UGT1A10: variants seen among roughly 807,000 people sequenced by gnomAD.
UGT1A10 encodes UDP-glucuronosyltransferase 1A10.
In UGT1A10, 49 loss-of-function variants were observed where a neutral mutation model predicts 45.8. The ratio of observed to expected loss-of-function variants is 1.07; its 90% CI spans 0.85 to 1.36. The LOEUF (loss-of-function observed/expected upper bound fraction) is 1.36, where lower values mean the gene tolerates loss of function less well. UGT1A10 is among the 40% of genes most tolerant of loss of function. The pLI is 0.00. For synonymous variants in UGT1A10, 284 were observed against 249.7 expected (o/e 1.14, Z -1.29); for missense variants, 745 against 668.6 (o/e 1.11, Z -1.26).
chr2:233,716,057 A>G (rs1298941606), intron 1 of UGT1A10, among the ~76,000 whole-genome samples: 1 of 152,210 alleles, frequency 6.6e-6, no homozygotes, highest in Admixed American at 6.5e-5. Flanking sequence ...GTCCATTCTT[A>G]GTTGTATTCT....
intron 1 of UGT1A10, among the ~76,000 whole-genome samples, chr2:233,686,243 T>C (rs921662746): frequency 6.6e-6 from 1 of 150,822 alleles, no homozygotes; most frequent in African/African-American, 2.4e-5. Flanking sequence ...GGAAATGGTT[T>C]CTGAGATTTT....
intron 1 of UGT1A10, among the ~76,000 whole-genome samples, chr2:233,737,027 C>T (rs2078835915): frequency 6.6e-6 from 1 of 152,230 alleles, no homozygotes; most frequent in South Asian, 2.1e-4. Flanking sequence ...TCTGTCCATT[C>T]TCAGAGCTCA....
In UGT1A10 at chr2:233,763,074, C is replaced by T. The variant is rs112277298; in HGVS notation, c.856-3960C>T. On this transcript the variant is annotated intron_variant, in intron 1 of 4. Coordinates refer to ENST00000344644, the MANE Select transcript of UGT1A10 (RefSeq NM_019075.4). ...TTGATTTAGATAATTTCCTTCTTTGCGTGAGGATGTTTGTAGGAGAGGCAC... is the reference window on the plus strand; with the variant it reads ...TTGATTTAGATAATTTCCTTCTTTGTGTGAGGATGTTTGTAGGAGAGGCAC... Among the ~76,000 whole-genome samples, 590 of 152,258 alleles carry T rather than the reference C, an allele frequency of 3.9e-3. 2 individuals are homozygous for T. Among genetic ancestry groups the T allele is most frequent in the Admixed American group, 5.9e-3 (90 of 15,292 alleles).
intron 1 of UGT1A10, among the ~76,000 whole-genome samples, chr2:233,650,881 T>C (rs1027503228): frequency 2.0e-5 from 3 of 152,226 alleles, no homozygotes; most frequent in African/African-American, 7.2e-5. Context: ...AATTGTTTGA[T>C]GATCCCTCAT....
In UGT1A10 at chr2:233,681,186, C is replaced by T. The variant is rs45574033; in HGVS notation, c.855+43809C>T. The stretch of plus-strand genomic sequence containing the variant: ...CAACGCTAAGACCCTTGCTCTCTTT[C>T]CGTCGAACATGAGATGCCAATTTCT... On this transcript the variant is annotated intron_variant, in intron 1 of 4. Transcript: ENST00000344644. 1.6e-3 allele frequency among the ~76,000 whole-genome samples: 241 copies of T among 151,954 alleles called. 1 individual carries two copies. Among genetic ancestry groups the T allele is most frequent in the Middle Eastern group, 3.4e-3 (1 of 294 alleles).
At chr2:233,639,258 A>T (rs2073384657) in intron 1 of UGT1A10, among the ~76,000 whole-genome samples, 1 of 152,218 alleles carries the variant, frequency 6.6e-6, no homozygotes, top group Non-Finnish European at 1.5e-5. Flanking sequence ...ATACACATGT[A>T]TGAAAGTTTT....
chr2:233,693,046 G>C lies in UGT1A10; in HGVS notation c.855+55669G>C, dbSNP rs1259258611. 1.9e-6 allele frequency: 3 copies of C among 1,614,028 alleles called. No individual in the cohort carries two copies. In the African/African-American group the frequency reaches 4.0e-5, roughly 22 times the overall value. ...GCTCATTTCAGAGAATTTCTGCAGG[G>C]GTTTTCTTCTTAGCACTTTGGGGCA... On this transcript the variant is annotated intron_variant, in intron 1 of 4. Coordinates refer to ENST00000344644, the MANE Select transcript of UGT1A10 (RefSeq NM_019075.4).
chr2:233,762,168 C>A (rs986737504), intron 1 of UGT1A10, among the ~76,000 whole-genome samples: 2 of 152,090 alleles, frequency 1.3e-5, no homozygotes, highest in African/African-American at 2.4e-5. Flanking sequence ...CCACTGTATG[C>A]GGCGTCCTCA....
intron 1 of UGT1A10, among the ~76,000 whole-genome samples, chr2:233,638,583 G>C (rs1032108161): frequency 2.3e-4 from 35 of 152,104 alleles, no homozygotes; most frequent in Middle Eastern, 3.2e-3. Context: ...AAAAATCCTT[G>C]AAAAATACCA....
At chr2:233,660,646 A>G (rs996370002) in intron 1 of UGT1A10, among the ~76,000 whole-genome samples, 2 of 152,082 alleles carry the variant, frequency 1.3e-5, no homozygotes, top group Admixed American at 1.3e-4. Context: ...CATAAATTGG[A>G]CTGTATTTGC....
At chr2:233,669,726 C>T (rs28970006) in intron 1 of UGT1A10, among the ~76,000 whole-genome samples, 3,021 of 152,188 alleles carry the variant, frequency 0.02, 101 homozygotes, top group African/African-American at 0.069. Context: ...CTGTTTTGCC[C>T]GGGCTGGAGT....
intron 1 of UGT1A10, among the ~76,000 whole-genome samples, chr2:233,646,156 C>T (rs2073596034): frequency 1.3e-5 from 2 of 152,172 alleles, no homozygotes; most frequent in African/African-American, 4.8e-5. Context: ...TACTTTGGCT[C>T]CTTTTGGACA....
chr2:233,655,113 A>G (rs2073828724), intron 1 of UGT1A10, among the ~76,000 whole-genome samples: 1 of 151,946 alleles, frequency 6.6e-6, no homozygotes, highest in Non-Finnish European at 1.5e-5. Flanking sequence ...AAGAAAGAAA[A>G]AGTAAACAGA....
At chr2:233,719,633 C>G in intron 1 of UGT1A10, 1 of 1,614,046 alleles carries the variant, frequency 6.2e-7, no homozygotes, top group Non-Finnish European at 8.5e-7. Flanking sequence ...CGATCATGCC[C>G]AACATGGTCT....
At chr2:233,679,128 T>G (rs1018713761) in intron 1 of UGT1A10, among the ~76,000 whole-genome samples, 1 of 152,218 alleles carries the variant, frequency 6.6e-6, no homozygotes, top group Non-Finnish European at 1.5e-5. Flanking sequence ...TTAAGACACC[T>G]GATTGAGAGA....
intron 1 of UGT1A10, among the ~76,000 whole-genome samples, chr2:233,675,865 T>G (rs2074337846): frequency 1.3e-5 from 2 of 152,166 alleles, no homozygotes; most frequent in South Asian, 4.1e-4. Context: ...TAAGAAAAAT[T>G]TGTTACATAG....
At chr2:233,733,174 G>T (rs2078363189) in intron 1 of UGT1A10, among the ~76,000 whole-genome samples, 1 of 152,204 alleles carries the variant, frequency 6.6e-6, no homozygotes, top group African/African-American at 2.4e-5. Context: ...CTGGGACTTT[G>T]CTGAAGTTGC....
At position 233,766,967 on chromosome 2, in the gene UGT1A10, A is replaced by G. The variant is rs907752763; in HGVS notation, c.856-67A>G. The G allele has an allele frequency of 1.5e-5, 24 of 1,609,126 alleles. No homozygotes were observed. The African/African-American group carries it at 3.1e-4, about 21-fold the overall frequency. On this transcript the variant is annotated intron_variant, in intron 1 of 4. Coordinates refer to ENST00000344644, the MANE Select transcript of UGT1A10 (RefSeq NM_019075.4). Reference sequence around the variant, plus strand: ...TTAAGAGGAAGATATCTAATTCATAACTTACTGTATGTAGTCATCAAAGAA... The same window carrying G: ...TTAAGAGGAAGATATCTAATTCATAGCTTACTGTATGTAGTCATCAAAGAA...
intron 1 of UGT1A10, among the ~76,000 whole-genome samples, chr2:233,711,224 G>A (rs1203779034): frequency 2.0e-5 from 3 of 152,198 alleles, no homozygotes; most frequent in Non-Finnish European, 4.4e-5. Context: ...CTCCCATGTC[G>A]CTGAAGGCAC....
Sources: allele counts gnomAD v4.1 joint callset (sites outside exome capture counted in the v4.1 genomes callset), GRCh38; gene constraint gnomAD v4.1.1; transcripts MANE v1.5; gene names NCBI Gene and HGNC (gene_info 2026-07-23, HGNC 2026-07-21).